Variants in PDCD6 observed in about 807,000 individuals in gnomAD.
PDCD6 encodes the protein programmed cell death 6.
A neutral mutation model predicts 28.3 loss-of-function variants in PDCD6; 12 were observed. The observed-to-expected ratio is 0.42, with a 90% confidence interval of 0.27 to 0.69. The LOEUF is 0.69. PDCD6 is among the 30% of genes least tolerant of loss of function. The pLI is 0.22. For synonymous variants in PDCD6, 92 were observed against 108.0 expected, an observed-to-expected ratio of 0.85 and a Z score of 0.92; for missense variants, 226 against 269.9, an observed-to-expected ratio of 0.84 and a Z score of 1.14.
At chr5:278,670 G>A (rs920616014) in intron 2 of PDCD6, among the ~76,000 whole-genome samples, 2 of 151,180 alleles carry the variant, frequency 1.3e-5, no homozygotes, top group African/African-American at 4.9e-5. Flanking sequence ...CCGAGATCGT[G>A]CCATTGCACT....
intron 4 of PDCD6, chr5:310,192 CTCTT>C (rs1337075478): frequency 1.8e-5 from 3 of 163,328 alleles, no homozygotes; most frequent in African/African-American, 7.2e-5. Context: ...ACTCTGCCAT[CTCTT>C]TCTGAATGTA....
At chr5:314,249 C>T (rs370686477) in intron 5 of PDCD6, among the ~76,000 whole-genome samples, 168 bp from the exon 6 acceptor site, 348 of 152,322 alleles carry the variant, frequency 2.3e-3, no homozygotes, top group African/African-American at 7.9e-3. Context: ...GCACTCCCAC[C>T]GTCCGTGTGA....
At chr5:289,304 C>T (rs1056830109) in intron 2 of PDCD6, 7 of 532,464 alleles carry the variant, frequency 1.3e-5, no homozygotes, top group African/African-American at 7.6e-5. Context: ...AGCCCAATGT[C>T]GGCATTACAA....
intron 2 of PDCD6, among the ~76,000 whole-genome samples, chr5:278,745 AAAAG>A (rs758858931): frequency 2.0e-5 from 3 of 150,728 alleles, no homozygotes; most frequent in Admixed American, 6.6e-5. Flanking sequence ...GAAAATGAAA[AAAAG>A]AAAGAGATGG....
intron 2 of PDCD6, among the ~76,000 whole-genome samples, chr5:280,965 T>C (rs1445055521): frequency 6.6e-6 from 1 of 152,266 alleles, no homozygotes; most frequent in Non-Finnish European, 1.5e-5. Flanking sequence ...GGGATTAATG[T>C]GTATTCTGGG....
At chr5:292,114 G>A (rs903793632) in intron 2 of PDCD6, among the ~76,000 whole-genome samples, 3 of 152,176 alleles carry the variant, frequency 2.0e-5, no homozygotes, top group African/African-American at 4.8e-5. Context: ...TGGGTGTCAC[G>A]TGATATCTCC....
In PDCD6 at chr5:294,137, T is replaced by C. The variant is rs1335755646; in HGVS notation, c.164-10040T>C. Reference sequence around the variant, plus strand: ...ACAGGAAAATTTGTATGGCCTGGGGTTGGGCGAAAAGTTCTTAGACATGAC... The same window carrying C: ...ACAGGAAAATTTGTATGGCCTGGGGCTGGGCGAAAAGTTCTTAGACATGAC... On this transcript the variant is annotated intron_variant, in intron 2 of 5. Transcript: ENST00000264933. Among the ~76,000 whole-genome samples the C allele has an allele frequency of 4.0e-5, 6 of 151,300 alleles. No homozygotes were observed. The South Asian group carries it at 6.2e-4, about 16-fold the overall frequency.
intron 2 of PDCD6, among the ~76,000 whole-genome samples, chr5:302,395 C>CTGTGTGTGTGTGTGTG (rs1561046930): frequency 1.3e-5 from 1 of 76,172 alleles, no homozygotes; most frequent in African/African-American, 1.2e-4. Context: ...GAGTGCTGCT[C>CTGTGTGTGTGTGTGTG]TGTGTGTATG....
intron 2 of PDCD6, among the ~76,000 whole-genome samples, chr5:275,012 A>G (rs1283708100): frequency 2.6e-5 from 4 of 151,918 alleles, no homozygotes; most frequent in East Asian, 3.9e-4. Flanking sequence ...CGTGGTCCCA[A>G]TGGAGTCACT....
At chr5:289,403 T>A (rs1481713754) in intron 2 of PDCD6, 8 of 657,926 alleles carry the variant, frequency 1.2e-5, no homozygotes, top group East Asian at 2.5e-5. Context: ...AGATGGTCTC[T>A]CAATACCTTC....
intron 2 of PDCD6, among the ~76,000 whole-genome samples, chr5:281,541 G>C (rs964200278): frequency 1.3e-5 from 2 of 152,080 alleles, no homozygotes; most frequent in Admixed American, 6.5e-5. Context: ...TCTAGTTTGA[G>C]GGTCATGCAG....
At chr5:304,155 T>G in intron 2 of PDCD6, 22 bp from the exon 3 acceptor site, 3 of 1,282,688 alleles carry the variant, frequency 2.3e-6, no homozygotes, top group Non-Finnish European at 3.3e-6. Flanking sequence ...TTACTTTAAC[T>G]CCTGTTGTTG....
intron 2 of PDCD6, among the ~76,000 whole-genome samples, chr5:291,734 G>T (rs1739326152): frequency 6.6e-6 from 1 of 151,906 alleles, no homozygotes; most frequent in Non-Finnish European, 1.5e-5. Flanking sequence ...CACTGACATG[G>T]TTCATTTTCA....
At chr5:273,918 A>G (rs973952836) in intron 2 of PDCD6, among the ~76,000 whole-genome samples, 2 of 136,526 alleles carry the variant, frequency 1.5e-5, no homozygotes, top group African/African-American at 2.9e-5. Context: ...TTCTCTTTTC[A>G]TTATTCTTAA....
intron 2 of PDCD6, among the ~76,000 whole-genome samples, chr5:282,273 G>T (rs1216747804): frequency 3.8e-5 from 2 of 52,484 alleles, no homozygotes; most frequent in African/African-American, 3.1e-4. Flanking sequence ...CGGAAAAATC[G>T]GGGGGGGGGG....
At chr5:287,237 T>C (rs1323452504) in intron 2 of PDCD6, among the ~76,000 whole-genome samples, 4 of 152,090 alleles carry the variant, frequency 2.6e-5, no homozygotes, top group Non-Finnish European at 5.9e-5. Context: ...TAGTTTGAGG[T>C]TCCTGGAGCT....
At chr5:280,196 G>A (rs1316454788) in intron 2 of PDCD6, among the ~76,000 whole-genome samples, 1 of 151,990 alleles carries the variant, frequency 6.6e-6, no homozygotes, top group Non-Finnish European at 1.5e-5. Context: ...GGAGGATGCA[G>A]AGCCCGGGAA....
chr5:283,387 A>T (rs1460614128), intron 2 of PDCD6, among the ~76,000 whole-genome samples: 3 of 149,916 alleles, frequency 2.0e-5, no homozygotes, highest in African/African-American at 7.5e-5. Context: ...TTCTAGTTTG[A>T]ATGTCTTGCA....
intron 2 of PDCD6, among the ~76,000 whole-genome samples, chr5:298,186 GC>G (rs1017743725): frequency 1.2e-4 from 19 of 152,244 alleles, no homozygotes; most frequent in Admixed American, 1.1e-3. Context: ...GAAGCTGGGG[GC>G]CCCCATAGCC....
Sources: allele counts gnomAD v4.1 joint callset (sites outside exome capture counted in the v4.1 genomes callset), GRCh38; gene constraint gnomAD v4.1.1; transcripts MANE v1.5; gene names NCBI Gene and HGNC (gene_info 2026-07-23, HGNC 2026-07-21).